NIBAN1: variants seen among roughly 807,000 people sequenced by gnomAD.
The protein encoded by NIBAN1 is niban apoptosis regulator 1, also known as protein Niban 1.
In NIBAN1, 81 loss-of-function variants were observed where a neutral mutation model predicts 75.1. The ratio of observed to expected loss-of-function variants is 1.08; its 90% CI spans 0.90 to 1.30. The LOEUF (loss-of-function observed/expected upper bound fraction) is 1.30, where lower values mean the gene tolerates loss of function less well. NIBAN1 is among the 50% of genes most tolerant of loss of function. The probability of loss-of-function intolerance (pLI) is 0.00; values close to 1 mark genes in which losing one functional copy is unlikely to be tolerated. For missense variants in NIBAN1, 1,133 were observed against 1,128.1 expected, an observed-to-expected ratio of 1.00 and a Z score of -0.06; for synonymous variants, 436 against 424.8, an observed-to-expected ratio of 1.03 and a Z score of -0.32.
intron 1 of NIBAN1, among the ~76,000 whole-genome samples, chr1:184,961,844 G>A (rs1454604353): frequency 6.6e-6 from 1 of 152,234 alleles, no homozygotes; most frequent in Admixed American, 6.5e-5. Context: ...AGAATAGACA[G>A]ATCTCTTTTT....
At position 184,792,528 on chromosome 1, in the gene NIBAN1, C is replaced by T. The variant is rs965805994; in HGVS notation, c.*2449G>A. The T allele has an allele frequency of 1.3e-4, 20 of 152,732 alleles. No homozygotes were observed. The highest frequency in any genetic ancestry group is 1.6e-4 in the Non-Finnish European group (11 of 68,100). 9.5% of individuals were successfully genotyped at this position (152,732 alleles called of 1,614,324 possible). A position where few individuals can be genotyped will look rare whatever the true frequency, so the allele number is the denominator to read the frequency against. ...ACTCCACACTACTGTCCCAGGGAGT[C>T]GGGCAGCCTTTGTGGGGCTGGGCAC... is the stretch of plus-strand genomic sequence containing the variant. On this transcript the variant is annotated 3_prime_UTR_variant, in exon 14 of 14. Transcript: ENST00000367511.
At chr1:184,886,802 A>G (rs1656537079) in intron 4 of NIBAN1, among the ~76,000 whole-genome samples, 1 of 152,206 alleles carries the variant, frequency 6.6e-6, no homozygotes. Flanking sequence ...AATCATGACC[A>G]CATGGGAGTC....
intron 1 of NIBAN1, among the ~76,000 whole-genome samples, chr1:184,974,078 C>T (rs905584596): frequency 6.6e-6 from 1 of 152,158 alleles, no homozygotes. Flanking sequence ...CACCCGCATC[C>T]TGCACCTGCC....
Position 184,946,853 on chromosome 1 carries a change from C to T in NIBAN1, c.55+27449G>A, listed in dbSNP as rs546846585. On this transcript the variant is annotated intron_variant, in intron 1 of 13. Transcript: ENST00000367511. Reference sequence around the variant, plus strand: ...TTTCGGGAGGCCAAGGCGGATGGATCACCTGAGGTCGGGAGTTTGAGACCA... The same window carrying T: ...TTTCGGGAGGCCAAGGCGGATGGATTACCTGAGGTCGGGAGTTTGAGACCA... 2.0e-5 allele frequency among the ~76,000 whole-genome samples: 3 copies of T among 152,168 alleles called. No individual in the cohort carries two copies. The East Asian group carries it at 5.8e-4, about 29-fold the overall frequency.
At chr1:184,950,635 T>C (rs189429164) in intron 1 of NIBAN1, among the ~76,000 whole-genome samples, 106 of 152,300 alleles carry the variant, frequency 7.0e-4, no homozygotes, top group South Asian at 1.4e-3. Flanking sequence ...TCGTGAAATA[T>C]AGATTGAAAA....
chr1:184,861,202 A>G (rs1655806276), intron 5 of NIBAN1, among the ~76,000 whole-genome samples: 1 of 152,236 alleles, frequency 6.6e-6, no homozygotes, highest in African/African-American at 2.4e-5. Context: ...GGTGGCAGCC[A>G]GACTTGCCAG....
Position 184,945,879 on chromosome 1 carries a change from T to G in NIBAN1, c.55+28423A>C, listed in dbSNP as rs115210264. Reference sequence around the variant, plus strand: ...CTGAATGAGAGTCAAATAGCATCCATCTGTCCGCAGACTATGGACAATTTT... The same window carrying G: ...CTGAATGAGAGTCAAATAGCATCCAGCTGTCCGCAGACTATGGACAATTTT... On this transcript the variant is annotated intron_variant, in intron 1 of 13. Coordinates refer to ENST00000367511, the MANE Select transcript of NIBAN1 (RefSeq NM_052966.4). Among the ~76,000 whole-genome samples, 170 of 152,074 alleles carry G rather than the reference T, an allele frequency of 1.1e-3. 2 individuals carry two copies. The highest frequency in any genetic ancestry group is 4.0e-3 in the African/African-American group (164 of 41,464).
chr1:184,852,158 T>A (rs983075922), intron 5 of NIBAN1, among the ~76,000 whole-genome samples: 1 of 152,206 alleles, frequency 6.6e-6, no homozygotes, highest in Non-Finnish European at 1.5e-5. Context: ...GACATTCTTT[T>A]TTCTTCTCCT....
chr1:184,869,595 T>G (rs1434764649), intron 5 of NIBAN1, among the ~76,000 whole-genome samples: 2 of 151,848 alleles, frequency 1.3e-5, no homozygotes, highest in East Asian at 3.9e-4. Flanking sequence ...CAAGCCGGAG[T>G]GCAGTGGCTC....
chr1:184,857,084 T>C (rs1187241133), intron 5 of NIBAN1, among the ~76,000 whole-genome samples: 1 of 152,204 alleles, frequency 6.6e-6, no homozygotes, highest in Non-Finnish European at 1.5e-5. Flanking sequence ...TTCAAGCCTA[T>C]CCTAGAAAGA....
chr1:184,865,567 A>C (rs1394623425), intron 5 of NIBAN1, among the ~76,000 whole-genome samples: 1 of 152,198 alleles, frequency 6.6e-6, no homozygotes, highest in Non-Finnish European at 1.5e-5. Context: ...TACCAATGTA[A>C]CAAATCTGCA....
In NIBAN1 at chr1:184,831,863, G is replaced by A. The variant is rs780521763; in HGVS notation, c.701C>T (p.Thr234Ile). 1.4e-5 allele frequency: 22 copies of A among 1,613,782 alleles called. No homozygotes were observed. The highest frequency in any genetic ancestry group is 3.3e-4 in the Middle Eastern group (2 of 6,084). Residue 234 changes from threonine to isoleucine, a missense_variant, in exon 6 of 14, where the codon ACT (threonine) becomes ATT (isoleucine). Coordinates refer to ENST00000367511, the MANE Select transcript of NIBAN1 (RefSeq NM_052966.4). Reference sequence around the variant, plus strand: ...CCATATTACCTGGATTTCATCCCCAGTGATCATTTCCCAGGAACCATAGTG... The same window carrying A: ...CCATATTACCTGGATTTCATCCCCAATGATCATTTCCCAGGAACCATAGTG... The part of the protein sequence containing the change: ...KGHYGSWEMI[T>I]GDEIQILSNL...
chr1:184,950,426 T>C (rs957662701), intron 1 of NIBAN1, among the ~76,000 whole-genome samples: 2 of 152,222 alleles, frequency 1.3e-5, no homozygotes, highest in Non-Finnish European at 2.9e-5. Flanking sequence ...CTTTGTCTTT[T>C]CACTCCATCA....
At chr1:184,911,633 T>G (rs549727839) in intron 1 of NIBAN1, among the ~76,000 whole-genome samples, 6 of 152,328 alleles carry the variant, frequency 3.9e-5, no homozygotes, top group African/African-American at 1.4e-4. Context: ...TAAGAATCTG[T>G]TTTGCACAAA....
chr1:184,899,244 A>C lies in NIBAN1; in HGVS notation c.121T>G (p.Cys41Gly), dbSNP rs756623772. 1.2e-6 allele frequency: 2 copies of C among 1,613,908 alleles called. No homozygotes were observed. The highest frequency in any genetic ancestry group is 2.7e-5 in the African/African-American group (2 of 74,930). Residue 41 changes from cysteine (C) to glycine (G), a missense_variant, in exon 2 of 14, where the codon TGC (cysteine) becomes GGC (glycine). Transcript: ENST00000367511. ...YYSRQYSVAF[C>G]NHVRTEVEQQ... ...TCTACTTCAGTGCGCACGTGATTGC[A>C]GAAAGCCACAGAGTACTGACGACTG... is the stretch of plus-strand genomic sequence containing the variant.
chr1:184,889,180 T>C (rs1401152525), intron 4 of NIBAN1, among the ~76,000 whole-genome samples: 2 of 152,230 alleles, frequency 1.3e-5, no homozygotes, highest in African/African-American at 4.8e-5. Context: ...TTAGTCTATA[T>C]ATTATCCATC....
intron 10 of NIBAN1, among the ~76,000 whole-genome samples, chr1:184,806,703 GA>G (rs915768878): frequency 2.3e-4 from 33 of 144,910 alleles, no homozygotes; most frequent in Non-Finnish European, 3.9e-4. Flanking sequence ...TAACCTTTAT[GA>G]AAAAAAAAGT....
rs958759741 is a variant in NIBAN1 at position 184,882,743 on chromosome 1, G to A, written c.601+1890C>T. On this transcript the variant is annotated intron_variant, in intron 5 of 13. Coordinates refer to ENST00000367511, the MANE Select transcript of NIBAN1 (RefSeq NM_052966.4). Reference sequence around the variant, plus strand: ...TAAGTCCCATTTGGCTGGGCAGGGAGCATTCTGCACTCAGTGAAACTTCGC... The same window carrying A: ...TAAGTCCCATTTGGCTGGGCAGGGAACATTCTGCACTCAGTGAAACTTCGC... Among the ~76,000 whole-genome samples the A allele has an allele frequency of 3.3e-5, 5 of 152,164 alleles. 1 individual carries two copies. The highest frequency in any genetic ancestry group is 7.2e-5 in the African/African-American group (3 of 41,432).
chr1:184,794,832 C>G lies in NIBAN1; in HGVS notation c.*145G>C. On this transcript the variant is annotated 3_prime_UTR_variant, in exon 14 of 14. Coordinates refer to ENST00000367511, the MANE Select transcript of NIBAN1 (RefSeq NM_052966.4). ...CAAAGGTTTGCCTCAGTTGCTCATG[C>G]CCTGTATGCATTTCCTCTGGTTTTA... The G allele has an allele frequency of 9.6e-7, 1 of 1,042,664 alleles. No individual in the cohort carries two copies. Among genetic ancestry groups the G allele is most frequent in the South Asian group, 1.4e-5 (1 of 73,554 alleles). 64.6% of individuals were successfully genotyped at this position (1,042,664 alleles called of 1,614,324 possible). A position where few individuals can be genotyped will look rare whatever the true frequency, so the allele number is the denominator to read the frequency against.
Sources: gnomAD v4.1 joint callset for allele counts (sites outside exome capture counted in the v4.1 genomes callset) on GRCh38, gnomAD v4.1.1 for gene constraint, MANE v1.5 for transcripts, NCBI Gene and HGNC (gene_info 2026-07-23, HGNC 2026-07-21) for gene names.